The following CCDC170 variants were observed in gnomAD, a reference collection of about 807,000 sequenced individuals.
CCDC170 encodes coiled-coil domain-containing protein 170.
A neutral mutation model predicts 72.6 loss-of-function variants in CCDC170; 69 were observed. That is an observed-to-expected ratio of 0.95 (90% CI 0.78 to 1.16). CCDC170 has a LOEUF of 1.16. CCDC170 is among the 50% of genes most tolerant of loss of function. The pLI is 0.00. For synonymous variants in CCDC170, 300 were observed against 303.9 expected (o/e 0.99, Z 0.13); for missense variants, 852 against 832.5 (o/e 1.02, Z -0.29).
Position 151,559,349 on chromosome 6 carries a change from T to C in CCDC170, c.774+10860T>C, listed in dbSNP as rs1406308126. The stretch of plus-strand genomic sequence containing the variant: ...TATTCTGATCCATGAGCATGAGATG[T>C]CTTTTCATTTGTTTGTGTCCTCTTT... On this transcript the variant is annotated intron_variant, in intron 5 of 10. Transcript: ENST00000239374. 5.9e-5 allele frequency among the ~76,000 whole-genome samples: 9 copies of C among 152,174 alleles called. 1 individual carries two copies. The highest frequency in any genetic ancestry group is 5.9e-4 in the Admixed American group (9 of 15,278).
At chr6:151,570,798 T>C (rs1311883573) in intron 5 of CCDC170, among the ~76,000 whole-genome samples, 1 of 152,210 alleles carries the variant, frequency 6.6e-6, no homozygotes, top group African/African-American at 2.4e-5. Context: ...TGTTAAAATA[T>C]TGAATTTGTG....
chr6:151,606,483 A>T (rs1197591401), intron 9 of CCDC170, among the ~76,000 whole-genome samples: 1 of 152,218 alleles, frequency 6.6e-6, no homozygotes, highest in Non-Finnish European at 1.5e-5. Context: ...GTCTAAAAAG[A>T]TACTTGGTAT....
intron 5 of CCDC170, among the ~76,000 whole-genome samples, chr6:151,550,549 C>T (rs1452848954): frequency 6.6e-6 from 1 of 152,216 alleles, no homozygotes; most frequent in Non-Finnish European, 1.5e-5. Context: ...ATTCTCCTGA[C>T]ACATTAACTC....
intron 9 of CCDC170, among the ~76,000 whole-genome samples, chr6:151,605,056 C>T (rs75251471): frequency 0.024 from 3,611 of 152,258 alleles, 147 homozygotes; most frequent in African/African-American, 0.082. Flanking sequence ...CTGCCCCCAC[C>T]CTTCCCAGCC....
chr6:151,604,482 G>C (rs2115131207), intron 9 of CCDC170, among the ~76,000 whole-genome samples: 1 of 152,308 alleles, frequency 6.6e-6, no homozygotes, highest in East Asian at 1.9e-4. Context: ...ATTACAGCTG[G>C]ATAGGAGGAA....
At chr6:151,593,372 G>T (rs1776573781) in intron 8 of CCDC170, 92 bp downstream of exon 8, 5 of 1,318,612 alleles carry the variant, frequency 3.8e-6, no homozygotes, top group Non-Finnish European at 2.1e-6. Flanking sequence ...ATGTTTACCA[G>T]TGTAGCTAGG....
At chr6:151,494,464 G>A (rs1781880172) in intron 1 of CCDC170, among the ~76,000 whole-genome samples, 1 of 152,110 alleles carries the variant, frequency 6.6e-6, no homozygotes, top group Admixed American at 6.5e-5. Flanking sequence ...ACTGTGGCCG[G>A]GCAGTTCCTC....
Position 151,544,246 on chromosome 6 carries a change from C to T in CCDC170, c.444-326C>T, listed in dbSNP as rs577461251. 2.0e-3 allele frequency among the ~76,000 whole-genome samples: 311 copies of T among 152,280 alleles called. 4 individuals carry two copies. Among genetic ancestry groups the T allele is most frequent in the African/African-American group, 7.2e-3 (301 of 41,566 alleles). ...CCCATGGCTATGTGGATTGTGTGTG[C>T]TCTAGACACGTGCCTCCATTTTTAG... On this transcript the variant is annotated intron_variant, in intron 3 of 10. Transcript: ENST00000239374.
Position 151,619,636 on chromosome 6 carries a change from A to G in CCDC170, c.*1489A>G, listed in dbSNP as rs1777028176. On this transcript the variant is annotated 3_prime_UTR_variant, in exon 11 of 11. Coordinates refer to ENST00000239374, the MANE Select transcript of CCDC170 (RefSeq NM_025059.4). ...AAAAGTCAAAGTCAGCCTGGCCAAC[A>G]TGGCAAAACTCCGTCTCTGCAAAAA... 6.6e-6 allele frequency: 1 copy of G among 152,226 alleles called. No individual in the cohort carries two copies. Among genetic ancestry groups the G allele is most frequent in the Non-Finnish European group, 1.5e-5 (1 of 68,036 alleles). The allele number at this position is 152,226 out of a possible 1,614,324, so 9.4% of individuals were successfully genotyped here. A position where few individuals can be genotyped will look rare whatever the true frequency, so the allele number is the denominator to read the frequency against.
chr6:151,601,537 G>T (rs183327858), intron 9 of CCDC170, among the ~76,000 whole-genome samples: 55 of 151,304 alleles, frequency 3.6e-4, no homozygotes, highest in African/African-American at 1.3e-3. Context: ...GTGTGTGTAT[G>T]TGTGTTTGTG....
intron 4 of CCDC170, among the ~76,000 whole-genome samples, chr6:151,545,939 G>A (rs950458850): frequency 6.6e-6 from 1 of 151,848 alleles, no homozygotes; most frequent in African/African-American, 2.4e-5. Flanking sequence ...CAGCACCCAT[G>A]CATCATTTTT....
intron 1 of CCDC170, among the ~76,000 whole-genome samples, chr6:151,523,982 C>T (rs1042465340): frequency 2.0e-5 from 3 of 152,168 alleles, no homozygotes; most frequent in African/African-American, 7.2e-5. Flanking sequence ...AAGGAGAAAG[C>T]TCACTGCAGG....
intron 9 of CCDC170, 44 bp from the exon 10 acceptor site, chr6:151,615,399 A>C (rs1562300988): frequency 7.5e-7 from 1 of 1,341,932 alleles, no homozygotes; most frequent in Non-Finnish European, 1.1e-6. Flanking sequence ...CAGTTTTCCT[A>C]ACTAAATACA....
chr6:151,550,262 C>T (rs1203017506), intron 5 of CCDC170, among the ~76,000 whole-genome samples: 1 of 152,032 alleles, frequency 6.6e-6, no homozygotes, highest in Non-Finnish European at 1.5e-5. Context: ...TGGCAGTGGC[C>T]CAGCAGATGG....
intron 5 of CCDC170, among the ~76,000 whole-genome samples, chr6:151,553,279 C>T (rs1028939194): frequency 4.6e-5 from 7 of 152,102 alleles, no homozygotes; most frequent in African/African-American, 1.4e-4. Context: ...GGATTTGAAC[C>T]CATATCATTA....
chr6:151,591,492 A>C (rs144234957), intron 7 of CCDC170, among the ~76,000 whole-genome samples: 2,016 of 151,606 alleles, frequency 0.013, 38 homozygotes, highest in East Asian at 0.074. Context: ...ACTTGGATGC[A>C]TTAAACAATT....
intron 6 of CCDC170, among the ~76,000 whole-genome samples, chr6:151,575,602 T>C (rs1776291374): frequency 8.1e-6 from 1 of 124,052 alleles, no homozygotes; most frequent in Non-Finnish European, 1.6e-5. Flanking sequence ...CAAACTCGGC[T>C]CACTGCAATC....
At chr6:151,526,664 G>C (rs1782415759) in intron 1 of CCDC170, among the ~76,000 whole-genome samples, 1 of 150,678 alleles carries the variant, frequency 6.6e-6, no homozygotes, top group Admixed American at 6.6e-5. Context: ...TATGGCGTGA[G>C]TCACGGCCCC....
Position 151,529,588 on chromosome 6 carries a change from C to T in CCDC170, c.58-6730C>T, listed in dbSNP as rs539187038. On this transcript the variant is annotated intron_variant, in intron 1 of 10. Coordinates refer to ENST00000239374, the MANE Select transcript of CCDC170 (RefSeq NM_025059.4). ...AGGAGAATCGCTTGAACCCGGGAGG[C>T]GGAGGTTGCAGTGAGCTGACATAGA... Among the ~76,000 whole-genome samples the T allele has an allele frequency of 1.8e-4, 27 of 152,164 alleles. No individual in the cohort carries two copies. In the South Asian group the frequency reaches 2.7e-3, roughly 15 times the overall value.
Sources: allele counts gnomAD v4.1 joint callset (sites outside exome capture counted in the v4.1 genomes callset), GRCh38; gene constraint gnomAD v4.1.1; transcripts MANE v1.5; gene names NCBI Gene and HGNC (gene_info 2026-07-23, HGNC 2026-07-21).